The following SLC17A8 variants were observed in gnomAD, a reference collection of about 807,000 sequenced individuals.
SLC17A8 encodes the protein vesicular glutamate transporter 3.
Under a neutral mutation model 58.0 loss-of-function variants are expected in SLC17A8, and 31 were observed. The ratio of observed to expected loss-of-function variants is 0.53; its 90% CI spans 0.40 to 0.72. SLC17A8 has a LOEUF of 0.72. Ranked by LOEUF, SLC17A8 falls within the 30% of genes least tolerant of loss-of-function variation. The pLI is 0.00. For synonymous variants in SLC17A8, 228 were observed against 249.0 expected (o/e 0.92, Z 0.79); for missense variants, 655 against 727.8 (o/e 0.90, Z 1.15).
At chr12:100,395,335 T>TC (rs1952745541) in intron 4 of SLC17A8, among the ~76,000 whole-genome samples, 1 of 151,550 alleles carries the variant, frequency 6.6e-6, no homozygotes, top group Non-Finnish European at 1.5e-5. Flanking sequence ...AATTTTTTTT[T>TC]TTTTTTTTTG....
chr12:100,407,851 C>T (rs1445037575), intron 9 of SLC17A8, among the ~76,000 whole-genome samples: 1 of 152,144 alleles, frequency 6.6e-6, no homozygotes, highest in Non-Finnish European at 1.5e-5. Context: ...TGTGATCCAC[C>T]CACCTCGGCC....
Position 100,404,077 on chromosome 12 carries a change from A to G in SLC17A8, c.1093A>G (p.Ile365Val). 2 of 1,614,152 alleles carry G rather than the reference A, an allele frequency of 1.2e-6. No individual in the cohort carries two copies. The highest frequency in any genetic ancestry group is 1.7e-6 in the Non-Finnish European group (2 of 1,180,010). The change falls in exon 9 of 12, where the codon ATC becomes GTC. Residue 365 changes from isoleucine (I) to valine (V), a missense_variant. Ile to Val is a conservative substitution (Grantham distance 29). Transcript: ENST00000323346. The part of the protein sequence containing the change: ...LSAVPHMVMT[I>V]VVPIGGQLAD... ...AGCAGTCCCACACATGGTTATGACA[A>G]TCGTTGTACCTATTGGAGGACAATT...
chr12:100,378,755 G>A (rs1221821813), intron 1 of SLC17A8, among the ~76,000 whole-genome samples: 1 of 152,078 alleles, frequency 6.6e-6, no homozygotes, highest in Non-Finnish European at 1.5e-5. Flanking sequence ...AATGCAGGCC[G>A]GCAGGTAGGT....
At chr12:100,400,472 C>A (rs1230254368) in intron 5 of SLC17A8, among the ~76,000 whole-genome samples, 2 of 152,142 alleles carry the variant, frequency 1.3e-5, no homozygotes, top group African/African-American at 2.4e-5. Flanking sequence ...CCCATCTTAT[C>A]TCTGAGGAAA....
At chr12:100,407,901 C>T (rs552083841) in intron 9 of SLC17A8, among the ~76,000 whole-genome samples, 14 of 152,184 alleles carry the variant, frequency 9.2e-5, no homozygotes, top group Non-Finnish European at 1.5e-4. Flanking sequence ...CCACCGTGCC[C>T]GGCCATTCTT....
intron 2 of SLC17A8, among the ~76,000 whole-genome samples, chr12:100,388,390 C>T (rs1396838495): frequency 6.6e-6 from 1 of 152,214 alleles, no homozygotes; most frequent in Non-Finnish European, 1.5e-5. Flanking sequence ...GGAGTCACTA[C>T]AGCTGTTCAC....
intron 1 of SLC17A8, among the ~76,000 whole-genome samples, chr12:100,362,251 G>T (rs573720826): frequency 1.3e-5 from 2 of 152,268 alleles, no homozygotes; most frequent in East Asian, 3.9e-4. Context: ...TCACCATGGT[G>T]GCAAGGGTCA....
rs1280273329 is a variant in SLC17A8, at chr12:100,418,074, T to A, written c.1343T>A (p.Ile448Asn). The A allele has an allele frequency of 6.2e-7, 1 of 1,614,212 alleles. No homozygotes were observed. The highest frequency in any genetic ancestry group is 1.7e-5 in the Admixed American group (1 of 60,026). The change falls in exon 11 of 12, where the codon ATT (isoleucine) becomes AAT (asparagine). Residue 448 changes from isoleucine (I) to asparagine (N), a missense_variant. Ile to Asn is a moderately radical substitution (Grantham distance 149). Transcript: ENST00000323346. ...GACATTGCCCCACGCTATGCCAGCA[T>A]TCTCATGGGGATCTCAAACGGAGTG... Reference protein sequence around the residue: ...HLDIAPRYASILMGISNGVGT... With the variant: ...HLDIAPRYASNLMGISNGVGT...
intron 1 of SLC17A8, among the ~76,000 whole-genome samples, chr12:100,365,157 A>C (rs992506373): frequency 1.3e-5 from 2 of 152,168 alleles, no homozygotes; most frequent in Non-Finnish European, 2.9e-5. Context: ...CTCAGGTCTG[A>C]TAGAACCTAG....
intron 1 of SLC17A8, among the ~76,000 whole-genome samples, chr12:100,372,041 C>T (rs1248063690): frequency 6.6e-6 from 1 of 152,168 alleles, no homozygotes; most frequent in Non-Finnish European, 1.5e-5. Flanking sequence ...TTTTCTTCTT[C>T]CAGTAGAATA....
chr12:100,408,350 AC>A (rs1177942768), intron 9 of SLC17A8, among the ~76,000 whole-genome samples: 1 of 152,232 alleles, frequency 6.6e-6, no homozygotes, highest in Non-Finnish European at 1.5e-5. Context: ...CCTCTATAGA[AC>A]ATGCAAAGTG....
chr12:100,366,185 T>G (rs1952520084), intron 1 of SLC17A8, among the ~76,000 whole-genome samples: 1 of 152,020 alleles, frequency 6.6e-6, no homozygotes, highest in Admixed American at 6.6e-5. Flanking sequence ...AATATAATAC[T>G]GTTTTTGATT....
chr12:100,391,736 T>C (rs546557132), intron 3 of SLC17A8, among the ~76,000 whole-genome samples: 31 of 152,214 alleles, frequency 2.0e-4, no homozygotes, highest in Non-Finnish European at 3.8e-4. Context: ...ACTGGATCAC[T>C]GGGTGACCTC....
intron 11 of SLC17A8, among the ~76,000 whole-genome samples, chr12:100,418,413 T>C (rs991560903): frequency 1.3e-5 from 2 of 152,186 alleles, no homozygotes; most frequent in African/African-American, 4.8e-5. Context: ...GGATGGGCCA[T>C]AGAAACTGTT....
rs999845796 is a variant in SLC17A8, at chr12:100,418,250, T to C, written c.1425+94T>C. Reference sequence around the variant, plus strand: ...TCAAGGCTCTACTGCAGTCTGTAAATGTGTATGTCCTTGACCTTGACTGAG... The same window carrying C: ...TCAAGGCTCTACTGCAGTCTGTAAACGTGTATGTCCTTGACCTTGACTGAG... On this transcript the variant is annotated intron_variant, in intron 11 of 11. Transcript: ENST00000323346. 3.9e-5 allele frequency: 58 copies of C among 1,506,128 alleles called. No individual in the cohort carries two copies. The Admixed American group carries it at 9.7e-4, about 25-fold the overall frequency. 93.3% of individuals were successfully genotyped at this position (1,506,128 alleles called of 1,614,324 possible).
In SLC17A8 at chr12:100,420,875, T is replaced by G. The variant is rs940811939; in HGVS notation, c.*716T>G. Reference sequence around the variant, plus strand: ...TGGGGAAGGGAAACATTTGGGTTGATGAGGCAGAGGGGATTCAAATGTGTG... The same window carrying G: ...TGGGGAAGGGAAACATTTGGGTTGAGGAGGCAGAGGGGATTCAAATGTGTG... On this transcript the variant is annotated 3_prime_UTR_variant, in exon 12 of 12. Coordinates refer to ENST00000323346, the MANE Select transcript of SLC17A8 (RefSeq NM_139319.3). The G allele has an allele frequency of 1.3e-5, 2 of 152,444 alleles. No homozygotes were observed. Among genetic ancestry groups the G allele is most frequent in the African/African-American group, 4.8e-5 (2 of 41,446 alleles). 9.4% of individuals were successfully genotyped at this position (152,444 alleles called of 1,614,324 possible). A position where few individuals can be genotyped will look rare whatever the true frequency, so the allele number is the denominator to read the frequency against.
At chr12:100,384,271 G>A (rs775556629) in intron 2 of SLC17A8, among the ~76,000 whole-genome samples, 9 of 152,050 alleles carry the variant, frequency 5.9e-5, no homozygotes, top group Admixed American at 1.3e-4. Context: ...TGCTGGTTGC[G>A]AAGAAATGTG....
chr12:100,404,867 C>T (rs933553172), intron 9 of SLC17A8, among the ~76,000 whole-genome samples: 2 of 152,188 alleles, frequency 1.3e-5, no homozygotes, highest in Non-Finnish European at 2.9e-5. Flanking sequence ...AGTAGCAGAT[C>T]CCTGCAAGGT....
At chr12:100,377,042 T>C (rs1053096478) in intron 1 of SLC17A8, among the ~76,000 whole-genome samples, 6 of 152,176 alleles carry the variant, frequency 3.9e-5, no homozygotes, top group African/African-American at 1.4e-4. Flanking sequence ...ACTCCTGACC[T>C]CAGGTGATCT....
Sources: allele counts gnomAD v4.1 joint callset (sites outside exome capture counted in the v4.1 genomes callset), GRCh38; gene constraint gnomAD v4.1.1; transcripts MANE v1.5; gene names NCBI Gene and HGNC (gene_info 2026-07-23, HGNC 2026-07-21).